PTPN13: variants seen among roughly 807,000 people sequenced by gnomAD.
PTPN13 encodes the protein protein tyrosine phosphatase non-receptor type 13, also known as tyrosine-protein phosphatase non-receptor type 13.
In PTPN13, 191 loss-of-function variants were observed where a neutral mutation model predicts 284.0. The observed-to-expected ratio is 0.67, with a 90% confidence interval of 0.60 to 0.76. PTPN13 has a LOEUF of 0.76. Among genes scored for constraint, PTPN13 ranks in the 30% least tolerant of loss-of-function variants. The probability of loss-of-function intolerance (pLI) is 0.00; values close to 1 mark genes in which losing one functional copy is unlikely to be tolerated. For missense variants in PTPN13, 2,797 were observed against 2,939.9 expected (o/e 0.95, Z 1.12); for synonymous variants, 986 against 1,022.3 (o/e 0.96, Z 0.68).
chr4:86,615,562 G>T (rs1004053166), intron 1 of PTPN13, among the ~76,000 whole-genome samples: 6 of 152,040 alleles, frequency 3.9e-5, no homozygotes. Flanking sequence ...AGACAATATA[G>T]TGTTAGACTT....
In PTPN13 at chr4:86,775,663, A is replaced by G; in HGVS notation, c.5891+11A>G. 6.3e-7 allele frequency: 1 copy of G among 1,597,570 alleles called. No homozygotes were observed. The highest frequency in any genetic ancestry group is 1.1e-5 in the South Asian group (1 of 89,260). On this transcript the variant is annotated intron_variant, in intron 35 of 47. Coordinates refer to ENST00000411767, the MANE Select transcript of PTPN13 (RefSeq NM_080683.3). The stretch of plus-strand genomic sequence containing the variant: ...ATTGAAAGCAACAAGGTACTCTGCA[A>G]TTATTTATGAGTTTTGATTGTGCGT...
intron 1 of PTPN13, among the ~76,000 whole-genome samples, chr4:86,617,299 A>G (rs939057471): frequency 2.0e-5 from 3 of 152,216 alleles, no homozygotes; most frequent in African/African-American, 7.2e-5. Context: ...TTCAAGTTAT[A>G]TGTCTACAGA....
intron 6 of PTPN13, among the ~76,000 whole-genome samples, chr4:86,696,650 T>C (rs1309573356): frequency 6.6e-6 from 1 of 152,000 alleles, no homozygotes; most frequent in East Asian, 1.9e-4. Flanking sequence ...GCGTTGACTG[T>C]CATGACTTTA....
chr4:86,678,441 C>T lies in PTPN13; in HGVS notation c.294+5898C>T, dbSNP rs912246392. Among the ~76,000 whole-genome samples, 5 of 152,246 alleles carry T rather than the reference C, an allele frequency of 3.3e-5. No individual in the cohort carries two copies. In the South Asian group the frequency reaches 6.2e-4, roughly 19 times the overall value. ...ATTCTTCTGGATAGAGGGATCATAG[C>T]TTTTATTCTTCCTTCTTTCTAAAGG... is the stretch of plus-strand genomic sequence containing the variant. On this transcript the variant is annotated intron_variant, in intron 3 of 47. Coordinates refer to ENST00000411767, the MANE Select transcript of PTPN13 (RefSeq NM_080683.3).
chr4:86,747,206 T>C (rs1488237522), intron 17 of PTPN13, among the ~76,000 whole-genome samples: 1 of 152,278 alleles, frequency 6.6e-6, no homozygotes, highest in Non-Finnish European at 1.5e-5. Flanking sequence ...GTTAAGAGCA[T>C]GAGCTCAGGA....
At chr4:86,778,255 A>G (rs746076203) in intron 35 of PTPN13, among the ~76,000 whole-genome samples, 1 of 152,174 alleles carries the variant, frequency 6.6e-6, no homozygotes, top group Non-Finnish European at 1.5e-5. Context: ...AGGGAACTGT[A>G]AAGGGTTTAG....
At chr4:86,751,187 A>G in intron 19 of PTPN13, 63 bp downstream of exon 19, 1 of 1,161,516 alleles carries the variant, frequency 8.6e-7, no homozygotes, top group Non-Finnish European at 1.2e-6. Flanking sequence ...AGTGAACAAG[A>G]TCATCTTAAT....
intron 7 of PTPN13, among the ~76,000 whole-genome samples, chr4:86,710,673 CT>C (rs1002943463): frequency 6.6e-6 from 1 of 152,132 alleles, no homozygotes; most frequent in Non-Finnish European, 1.5e-5. Flanking sequence ...GCAAAACACA[CT>C]TGCCTATTGA....
Position 86,689,036 on chromosome 4 carries a change from T to G in PTPN13, c.392T>G (p.Ile131Arg). Residue 131 changes from isoleucine (I) to arginine (R), a missense_variant, in exon 5 of 48, where the codon ATA becomes AGA. Transcript: ENST00000411767. ...AAGCTTGGAGATCATCTCAACAGCA[T>G]ACTGCTTGGAATGTGTGAGGATGTT... ...PIKLGDHLNS[I>R]LLGMCEDVIY... The G allele has an allele frequency of 6.3e-7, 1 of 1,579,450 alleles. No individual in the cohort carries two copies. The highest frequency in any genetic ancestry group is 8.7e-7 in the Non-Finnish European group (1 of 1,148,504).
intron 2 of PTPN13, among the ~76,000 whole-genome samples, chr4:86,640,428 CAATT>C (rs774664533): frequency 1.7e-4 from 26 of 152,082 alleles, no homozygotes; most frequent in Non-Finnish European, 2.4e-4. Flanking sequence ...TAATAATTGT[CAATT>C]AATATTTAAG....
At chr4:86,603,798 G>A (rs1297504294) in intron 1 of PTPN13, among the ~76,000 whole-genome samples, 2 of 152,020 alleles carry the variant, frequency 1.3e-5, no homozygotes, top group African/African-American at 4.8e-5. Context: ...GCATCACTCA[G>A]ATGATGCTAA....
intron 35 of PTPN13, among the ~76,000 whole-genome samples, chr4:86,776,763 G>A (rs1466455878): frequency 6.6e-6 from 1 of 152,210 alleles, no homozygotes. Flanking sequence ...TTATAATAAA[G>A]TGTTGAATAT....
intron 43 of PTPN13, among the ~76,000 whole-genome samples, chr4:86,804,717 C>A (rs1744470347): frequency 6.6e-6 from 1 of 152,218 alleles, no homozygotes; most frequent in African/African-American, 2.4e-5. Context: ...TCCCAATAAG[C>A]TGTAAAGGCC....
chr4:86,799,024 G>A, intron 41 of PTPN13, 77 bp from the exon 42 acceptor site: 2 of 846,162 alleles, frequency 2.4e-6, no homozygotes, highest in Non-Finnish European at 3.6e-6. Context: ...AATAATTGTA[G>A]AGAAAATCAT....
At chr4:86,813,191 T>C (rs1426642039) in intron 47 of PTPN13, among the ~76,000 whole-genome samples, 2 of 152,192 alleles carry the variant, frequency 1.3e-5, no homozygotes, top group African/African-American at 4.8e-5. Context: ...TCCTTCATGC[T>C]CACACATACT....
chr4:86,757,723 C>T (rs1738137550), intron 20 of PTPN13, among the ~76,000 whole-genome samples: 1 of 146,222 alleles, frequency 6.8e-6, no homozygotes. Context: ...GTGATTATGC[C>T]ACTACACTTA....
chr4:86,740,997 CATCT>C (rs1212346490), intron 15 of PTPN13, among the ~76,000 whole-genome samples: 1 of 152,172 alleles, frequency 6.6e-6, no homozygotes, highest in Non-Finnish European at 1.5e-5. Flanking sequence ...TCCTCATCTC[CATCT>C]GAGACCACCT....
Position 86,681,933 on chromosome 4 carries a change from AAG to A in PTPN13, c.295-4775_295-4774del, listed in dbSNP as rs561639716. ...GACAGAGTGAGTCTGTCTCAAAAAA[AAG>A]AAAAAAAAAGGAAAGAAAAAAGGAA... is the stretch of plus-strand genomic sequence containing the variant. On this transcript the variant is annotated intron_variant, in intron 3 of 47. Transcript: ENST00000411767. Among the ~76,000 whole-genome samples the A allele has an allele frequency of 3.1e-3, 475 of 152,254 alleles. 1 individual carries two copies. The highest frequency in any genetic ancestry group is 0.011 in the African/African-American group (461 of 41,510).
chr4:86,670,051 A>G (rs1261781431), intron 2 of PTPN13, among the ~76,000 whole-genome samples: 8 of 151,676 alleles, frequency 5.3e-5, no homozygotes, highest in African/African-American at 1.7e-4. Context: ...CCATACATGC[A>G]TCAGTCCCCA....
Sources: allele counts gnomAD v4.1 joint callset (sites outside exome capture counted in the v4.1 genomes callset), GRCh38; gene constraint gnomAD v4.1.1; transcripts MANE v1.5; gene names NCBI Gene and HGNC (gene_info 2026-07-23, HGNC 2026-07-21).